Variants in FGF18 observed in about 807,000 individuals in gnomAD.
The protein encoded by FGF18 is fibroblast growth factor 18.
Under a neutral mutation model 23.0 loss-of-function variants are expected in FGF18, and 5 were observed. The observed-to-expected ratio is 0.22, with a 90% CI of 0.11 to 0.46. FGF18 has a LOEUF of 0.46. Among genes scored for constraint, FGF18 ranks in the 20% least tolerant of loss-of-function variants. FGF18 has a pLI of 0.99. For missense variants in FGF18, 180 were observed against 291.6 expected (o/e 0.62, Z 2.79); for synonymous variants, 117 against 118.9 (o/e 0.98, Z 0.10).
intron 2 of FGF18, among the ~76,000 whole-genome samples, chr5:171,428,504 G>A (rs1438963080): frequency 6.6e-6 from 1 of 152,198 alleles, no homozygotes; most frequent in Non-Finnish European, 1.5e-5. Context: ...GAGCAAACCG[G>A]GTGAAGAGGA....
intron 2 of FGF18, among the ~76,000 whole-genome samples, chr5:171,425,472 C>T (rs530644056): frequency 1.5e-4 from 23 of 150,556 alleles, no homozygotes; most frequent in African/African-American, 5.1e-4. Flanking sequence ...CCACCCGCCT[C>T]GGACTCCCAA....
At chr5:171,442,534 C>T (rs575447720) in intron 3 of FGF18, among the ~76,000 whole-genome samples, 5 of 152,318 alleles carry the variant, frequency 3.3e-5, no homozygotes, top group African/African-American at 9.6e-5. Context: ...GGCCCCAGAT[C>T]GGAGGCCCAG....
chr5:171,428,322 C>T (rs1269290394), intron 2 of FGF18, among the ~76,000 whole-genome samples: 1 of 152,076 alleles, frequency 6.6e-6, no homozygotes. Context: ...GGCTGGGGCA[C>T]AGAGAGGGCC....
intron 3 of FGF18, among the ~76,000 whole-genome samples, chr5:171,443,946 T>G (rs1215157473): frequency 6.6e-6 from 1 of 151,970 alleles, no homozygotes; most frequent in African/African-American, 2.4e-5. Context: ...GCTTCCCATT[T>G]TGTATTCCTC....
chr5:171,451,664 C>T lies in FGF18; in HGVS notation c.357+2411C>T, dbSNP rs1402741143. 6.6e-6 allele frequency among the ~76,000 whole-genome samples: 1 copy of T among 152,150 alleles called. No individual in the cohort carries two copies. The highest frequency in any genetic ancestry group is 1.5e-5 in the Non-Finnish European group (1 of 68,004). Reference sequence around the variant, plus strand: ...CACCCCCACCCAGCTCCAAACCCATCCATGGGTCCTCCCACCTTGCTATGG... The same window carrying T: ...CACCCCCACCCAGCTCCAAACCCATTCATGGGTCCTCCCACCTTGCTATGG... On this transcript the variant is annotated intron_variant, in intron 4 of 4. Coordinates refer to ENST00000274625, the MANE Select transcript of FGF18 (RefSeq NM_003862.3). This position sits in a 1 kb window ranked among gnomAD's most constrained non-coding sequence, Gnocchi z 4.5.
chr5:171,448,189 G>A (rs1772445745), intron 3 of FGF18, among the ~76,000 whole-genome samples: 1 of 152,178 alleles, frequency 6.6e-6, no homozygotes, highest in African/African-American at 2.4e-5. Flanking sequence ...CTCATCCTGA[G>A]GGAGGCTCTG....
rs766926286 is a variant in FGF18 at position 171,443,500 on chromosome 5, C to CTTTTTT, written c.251-5647_251-5646insTTTTTT. 5.8e-3 allele frequency among the ~76,000 whole-genome samples: 409 copies of CTTTTTT among 70,380 alleles called. 36 individuals are homozygous for CTTTTTT. The highest frequency in any genetic ancestry group is 0.01 in the Middle Eastern group (1 of 98). The allele number at this position is 70,380 out of a possible 152,430, so 46.2% of individuals were successfully genotyped here. A position where few individuals can be genotyped will look rare whatever the true frequency, so the allele number is the denominator to read the frequency against. ...TCAGATAAGTATTCACTGTTATCAT[C>CTTTTTT]ATTTTTTTTTTTTTTTTTTTTTTTT... On this transcript the variant is annotated intron_variant, in intron 3 of 4. Coordinates refer to ENST00000274625, the MANE Select transcript of FGF18 (RefSeq NM_003862.3).
chr5:171,449,154 C>G lies in FGF18; in HGVS notation c.258C>G (p.Leu86=), dbSNP rs977378302. The change falls in exon 4 of 5, where the codon CTC becomes CTG. Residue 86 remains leucine (L), a synonymous_variant. Transcript: ENST00000274625. ...TCCTTCTGCCTTTCGAAGCCCAGCT[C>G]CTAGTGGAGACAGACACCTTCGGTA... ...RGEDGDKYAQ[L]LVETDTFGSQ... is the part of the protein sequence containing the mutation. 4 of 1,613,358 alleles carry G rather than the reference C, an allele frequency of 2.5e-6. No homozygotes were observed. Among genetic ancestry groups the G allele is most frequent in the African/African-American group, 1.3e-5 (1 of 74,994 alleles).
intron 3 of FGF18, among the ~76,000 whole-genome samples, chr5:171,437,531 C>A (rs1406657074): frequency 6.6e-6 from 1 of 152,206 alleles, no homozygotes; most frequent in East Asian, 1.9e-4. Flanking sequence ...GCAGCTTTTC[C>A]CCGTTCCCCG....
At position 171,436,891 on chromosome 5, in the gene FGF18, G is replaced by A. The variant is rs1467951055; in HGVS notation, c.250+618G>A. On this transcript the variant is annotated intron_variant, in intron 3 of 4. Coordinates refer to ENST00000274625, the MANE Select transcript of FGF18 (RefSeq NM_003862.3). This position sits in a 1 kb window ranked among gnomAD's most constrained non-coding sequence, Gnocchi z 4.4. Reference sequence around the variant, plus strand: ...GGCTGGGAGGAGTGAGACATCCCAAGCCCCTGGTCCACAAAGGTGCTCAGC... The same window carrying A: ...GGCTGGGAGGAGTGAGACATCCCAAACCCCTGGTCCACAAAGGTGCTCAGC... Among the ~76,000 whole-genome samples, 6 of 152,210 alleles carry A rather than the reference G, an allele frequency of 3.9e-5. No homozygotes were observed. The East Asian group carries it at 1.2e-3, about 29-fold the overall frequency.
At chr5:171,420,688 C>G (rs1037086756) in intron 2 of FGF18, among the ~76,000 whole-genome samples, 1 of 152,180 alleles carries the variant, frequency 6.6e-6, no homozygotes, top group Non-Finnish European at 1.5e-5. Flanking sequence ...CTGTCGGCCT[C>G]GGCTGGGAGG....
intron 3 of FGF18, among the ~76,000 whole-genome samples, chr5:171,439,988 G>A (rs1772317305): frequency 6.6e-6 from 1 of 152,200 alleles, no homozygotes; most frequent in Non-Finnish European, 1.5e-5. Context: ...GAGTGGCCCT[G>A]CTAGCCAGGG....
Position 171,457,004 on chromosome 5 carries a change from G to A in FGF18, c.*199G>A. 1.5e-6 allele frequency: 1 copy of A among 662,340 alleles called. No individual in the cohort carries two copies. Among genetic ancestry groups the A allele is most frequent in the Non-Finnish European group, 2.5e-6 (1 of 402,582 alleles). The allele number at this position is 662,340 out of a possible 1,614,324, so 41.0% of individuals were successfully genotyped here. ...TTATTGTTGACTTGAAACCCCCGAT[G>A]ACAAAAGACTCACGCAAAGGGACTG... On this transcript the variant is annotated 3_prime_UTR_variant, in exon 5 of 5. Transcript: ENST00000274625.
chr5:171,433,188 A>G (rs1159743850), intron 2 of FGF18, among the ~76,000 whole-genome samples: 1 of 152,020 alleles, frequency 6.6e-6, no homozygotes, highest in Non-Finnish European at 1.5e-5. Context: ...GGCAAGATGG[A>G]TTGTTCCCTC....
Position 171,436,044 on chromosome 5 carries a change from TG to T in FGF18, c.70-46del. 2.1e-6 allele frequency: 3 copies of T among 1,404,714 alleles called. No individual in the cohort carries two copies. Among genetic ancestry groups the T allele is most frequent in the Non-Finnish European group, 2.8e-6 (3 of 1,067,242 alleles). The allele number at this position is 1,404,714 out of a possible 1,614,324, so 87.0% of individuals were successfully genotyped here. On this transcript the variant is annotated intron_variant, in intron 2 of 4. Transcript: ENST00000274625. This position sits in a 1 kb window ranked among gnomAD's most constrained non-coding sequence, Gnocchi z 4.4. The stretch of plus-strand genomic sequence containing the variant: ...GGACGTGGCTGGCTCCTGCATGCAG[TG>T]GGCCTGGGACATCTGGGGTGGCTTA...
Position 171,436,083 on chromosome 5 carries a change from C to G in FGF18, c.70-10C>G, listed in dbSNP as rs76012658. On this transcript the variant is annotated splice_polypyrimidine_tract_variant and intron_variant, in intron 2 of 4. Transcript: ENST00000274625. This position sits in a 1 kb window ranked among gnomAD's most constrained non-coding sequence, Gnocchi z 4.4. ...CTGGGGTGGCTTACTGTGTCCTTTT[C>G]CCTGCCCAGGTGCTGGTTGCCGAGG... is the stretch of plus-strand genomic sequence containing the variant. 1.3e-6 allele frequency: 2 copies of G among 1,534,012 alleles called. No individual in the cohort carries two copies. The highest frequency in any genetic ancestry group is 1.8e-6 in the Non-Finnish European group (2 of 1,134,268).
At chr5:171,447,911 A>C (rs1772442064) in intron 3 of FGF18, among the ~76,000 whole-genome samples, 1 of 152,070 alleles carries the variant, frequency 6.6e-6, no homozygotes, top group Non-Finnish European at 1.5e-5. Context: ...AAAAGAGTGC[A>C]CGAATTGGGA....
chr5:171,420,664 G>GGCTGTC lies in FGF18; in HGVS notation c.69+224_69+229dup, dbSNP rs1406561951. ...CTGCCGCGGGGCCCGAGGAGGCGCT[G>GGCTGTC]GCTGTCGCGGCCACTGTCGGCCTCG... is the stretch of plus-strand genomic sequence containing the variant. On this transcript the variant is annotated intron_variant, in intron 2 of 4. Transcript: ENST00000274625. 3.3e-5 allele frequency among the ~76,000 whole-genome samples: 5 copies of GGCTGTC among 152,304 alleles called. No homozygotes were observed. In the East Asian group the frequency reaches 9.7e-4, roughly 30 times the overall value.
chr5:171,446,497 T>A (rs1772421232), intron 3 of FGF18, among the ~76,000 whole-genome samples: 1 of 152,192 alleles, frequency 6.6e-6, no homozygotes, highest in South Asian at 2.1e-4. Context: ...ACACCCAATC[T>A]CAGGATGGAT....
Sources: gnomAD v4.1 joint callset for allele counts (sites outside exome capture counted in the v4.1 genomes callset) on GRCh38, gnomAD v4.1.1 for gene constraint, Gnocchi (gnomAD v3.1) non-coding constraint, MANE v1.5 for transcripts, NCBI Gene and HGNC (gene_info 2026-07-23, HGNC 2026-07-21) for gene names.